The following DNAH7 variants were observed in gnomAD, a reference collection of about 807,000 sequenced individuals.
DNAH7 encodes the protein dynein axonemal heavy chain 7, also known as axonemal beta dynein heavy chain 7.
DNAH7 carries 397 observed loss-of-function variants against 444.6 expected under a neutral mutation model. The ratio of observed to expected loss-of-function variants is 0.89; its 90% CI spans 0.82 to 0.97. DNAH7 has a LOEUF of 0.97. Among genes scored for constraint, DNAH7 ranks in the 50% least tolerant of loss-of-function variants. The pLI is 0.00. For synonymous variants in DNAH7, 1,636 were observed against 1,624.4 expected (o/e 1.01, Z -0.17); for missense variants, 4,902 against 4,800.8 (o/e 1.02, Z -0.62).
intron 5 of DNAH7, among the ~76,000 whole-genome samples, chr2:196,040,308 C>G (rs1696659187): frequency 6.6e-6 from 1 of 151,946 alleles, no homozygotes; most frequent in African/African-American, 2.4e-5. Context: ...GGAACATAGA[C>G]ACAAAAATCC....
At chr2:195,931,366 G>A (rs1239395565) in intron 21 of DNAH7, among the ~76,000 whole-genome samples, 1 of 151,944 alleles carries the variant, frequency 6.6e-6, no homozygotes, top group African/African-American at 2.4e-5. Flanking sequence ...CTCCCATTCT[G>A]TAGGTTGCCT....
At chr2:196,068,280 G>C (rs1698538846) in intron 1 of DNAH7, 1 of 224,616 alleles carries the variant, frequency 4.5e-6, no homozygotes, top group Non-Finnish European at 8.7e-6. Flanking sequence ...TAAGAGGTGG[G>C]AGAACTAAGG....
In DNAH7 at chr2:196,047,438, A is replaced by AT. The variant is rs1697204438; in HGVS notation, c.311dup (p.Tyr104Ter). 1 of 1,605,108 alleles carries AT rather than the reference A, an allele frequency of 6.2e-7. No homozygotes were observed. The highest frequency in any genetic ancestry group is 1.7e-5 in the Admixed American group (1 of 59,580). ...TTGATTTGGAAGTAGATGGTCCAAC[A>AT]TAACTATCATCAACTTGGTGGGGTA... The part of the protein sequence containing the change: ...GKLPHQVDDS[Y>*]VGPSTSKSKG... The change falls in exon 5 of 65, where the codon TAT becomes TAAT. Residue 104 changes from tyrosine to a stop codon, truncating the protein, a stop_gained and frameshift_variant. Coordinates refer to ENST00000312428, the MANE Select transcript of DNAH7 (RefSeq NM_018897.3). LOFTEE classifies it high-confidence loss of function.
rs1282994095 is a variant in DNAH7 at position 195,857,464 on chromosome 2, G to A, written c.8327C>T (p.Pro2776Leu). Reference sequence around the variant, plus strand: ...TCTGATTTTTTCTGGTACAAAATCTGGATTTGGAATATAATTTTTTCTTAT... The same window carrying A: ...TCTGATTTTTTCTGGTACAAAATCTAGATTTGGAATATAATTTTTTCTTAT... ...NIIRKNYIPNPDFVPEKIRNA... is the reference protein window; with the variant it reads ...NIIRKNYIPNLDFVPEKIRNA... The change falls in exon 44 of 65, where the codon CCA becomes CTA. Residue 2776 changes from proline to leucine, a missense_variant. Physicochemically the swap from Pro to Leu is moderately conservative, Grantham distance 98. Coordinates refer to ENST00000312428, the MANE Select transcript of DNAH7 (RefSeq NM_018897.3). 1.2e-6 allele frequency: 2 copies of A among 1,613,376 alleles called. No individual in the cohort carries two copies. The highest frequency in any genetic ancestry group is 1.7e-6 in the Non-Finnish European group (2 of 1,179,822).
At chr2:195,909,897 G>A in intron 25 of DNAH7, 130 bp downstream of exon 25, 1 of 909,956 alleles carries the variant, frequency 1.1e-6, no homozygotes, top group Non-Finnish European at 1.6e-6. Flanking sequence ...GAATTATTGA[G>A]ATAGTGCTTC....
intron 17 of DNAH7, among the ~76,000 whole-genome samples, chr2:195,967,415 AAT>A (rs1363568933): frequency 6.6e-6 from 1 of 152,160 alleles, no homozygotes; most frequent in Non-Finnish European, 1.5e-5. Context: ...ACAGTATTAT[AAT>A]AGTCTATTTT....
intron 12 of DNAH7, 25 bp downstream of exon 12, chr2:196,000,679 C>A: frequency 1.4e-6 from 2 of 1,451,322 alleles, no homozygotes; most frequent in Non-Finnish European, 1.8e-6. Flanking sequence ...CAAATTCAAG[C>A]AATCTTAATA....
intron 6 of DNAH7, among the ~76,000 whole-genome samples, chr2:196,027,197 T>G (rs1255780755): frequency 6.6e-6 from 1 of 152,124 alleles, no homozygotes; most frequent in Non-Finnish European, 1.5e-5. Flanking sequence ...AAATATATGA[T>G]GTACTTAACA....
intron 61 of DNAH7, among the ~76,000 whole-genome samples, chr2:195,765,991 G>A (rs1694557739): frequency 6.6e-6 from 1 of 151,708 alleles, no homozygotes; most frequent in Non-Finnish European, 1.5e-5. Flanking sequence ...ATCAACAAAG[G>A]AACAGATGAA....
In DNAH7 at chr2:195,737,800, A is replaced by ATAAT. The variant is rs1324103768; in HGVS notation, c.*117_*120dup. On this transcript the variant is annotated 3_prime_UTR_variant, in exon 65 of 65. Coordinates refer to ENST00000312428, the MANE Select transcript of DNAH7 (RefSeq NM_018897.3). ...GCTGCATTTGCTCATAAGTAAATTC[A>ATAAT]TAATTATAACTTTAGTCAAATGTAT... 1.2e-5 allele frequency: 10 copies of ATAAT among 840,936 alleles called. No individual in the cohort carries two copies. Among genetic ancestry groups the ATAAT allele is most frequent in the Admixed American group, 5.7e-5 (2 of 35,074 alleles). 52.1% of individuals were successfully genotyped at this position (840,936 alleles called of 1,614,324 possible). A position where few individuals can be genotyped will look rare whatever the true frequency, so the allele number is the denominator to read the frequency against.
intron 9 of DNAH7, among the ~76,000 whole-genome samples, chr2:196,016,996 ATTATT>A (rs1464089056): frequency 1.3e-5 from 2 of 152,064 alleles, no homozygotes; most frequent in Admixed American, 1.3e-4. Flanking sequence ...GTGCTTTTTT[ATTATT>A]TTATTTAATT....
intron 63 of DNAH7, among the ~76,000 whole-genome samples, chr2:195,749,655 A>G (rs1165722229): frequency 6.6e-6 from 1 of 151,674 alleles, no homozygotes; most frequent in Middle Eastern, 3.2e-3. Flanking sequence ...TGCAGCCATA[A>G]AAAATGATGA....
intron 10 of DNAH7, among the ~76,000 whole-genome samples, chr2:196,009,612 T>C (rs1694606212): frequency 6.6e-6 from 1 of 152,166 alleles, no homozygotes; most frequent in Non-Finnish European, 1.5e-5. Flanking sequence ...TGGGCAAAGA[T>C]GTGTTGAGGA....
chr2:196,038,737 A>G (rs1022906935), intron 5 of DNAH7, among the ~76,000 whole-genome samples: 9 of 152,166 alleles, frequency 5.9e-5, no homozygotes, highest in South Asian at 2.1e-4. Flanking sequence ...TAGTAACTAT[A>G]CTTCTATCAG....
At chr2:195,991,533 C>G (rs1693341914) in intron 12 of DNAH7, among the ~76,000 whole-genome samples, 2 of 152,152 alleles carry the variant, frequency 1.3e-5, no homozygotes, top group African/African-American at 4.8e-5. Context: ...AATATTCTGG[C>G]AGTGTTTACA....
intron 16 of DNAH7, among the ~76,000 whole-genome samples, chr2:195,971,218 T>C (rs570758522): frequency 6.6e-6 from 1 of 152,348 alleles, no homozygotes; most frequent in East Asian, 1.9e-4. Flanking sequence ...AGGACATCTG[T>C]ACTGGCTGAC....
At chr2:195,785,871 A>G (rs953443483) in intron 58 of DNAH7, among the ~76,000 whole-genome samples, 3 of 152,118 alleles carry the variant, frequency 2.0e-5, no homozygotes, top group Admixed American at 6.6e-5. Context: ...TGAAAAGTGT[A>G]ATTATAGCTC....
At chr2:195,846,949 ATGTGTGTG>A (rs35075325) in intron 46 of DNAH7, among the ~76,000 whole-genome samples, 2 of 137,158 alleles carry the variant, frequency 1.5e-5, no homozygotes, top group Non-Finnish European at 3.1e-5. Flanking sequence ...ACTCCCATAT[ATGTGTGTG>A]TGTGTGTGTG....
intron 58 of DNAH7, among the ~76,000 whole-genome samples, chr2:195,778,661 T>TACACACACACACACACAC (rs1559089787): frequency 1.0e-5 from 1 of 97,814 alleles, no homozygotes; most frequent in African/African-American, 4.4e-5. Flanking sequence ...TATATATATA[T>TACACACACACACACACAC]ATATATATAC....
Sources: gnomAD v4.1 joint callset for allele counts (sites outside exome capture counted in the v4.1 genomes callset) on GRCh38, gnomAD v4.1.1 for gene constraint, MANE v1.5 for transcripts, NCBI Gene and HGNC (gene_info 2026-07-23, HGNC 2026-07-21) for gene names.